Variants in BLACAT1 observed in about 807,000 individuals in gnomAD.
BLACAT1 encodes the protein bladder cancer associated transcript 1.
chr1:205,437,213 G>A (rs1385326814), downstream of BLACAT1: 1 of 152,400 alleles, frequency 6.6e-6, no homozygotes, highest in Non-Finnish European at 1.5e-5. Flanking sequence ...CACATGAGGA[G>A]CTGTGCAAAG....
intron 1 of BLACAT1, among the ~76,000 whole-genome samples, chr1:205,444,246 T>A (rs1356724016): frequency 6.6e-6 from 1 of 151,970 alleles, no homozygotes; most frequent in African/African-American, 2.4e-5. Flanking sequence ...TGGACAAACC[T>A]CCTGCTACCA....
chr1:205,437,970 C>T (rs1666235712), downstream of BLACAT1: 1 of 152,118 alleles, frequency 6.6e-6, no homozygotes, highest in South Asian at 2.1e-4. Context: ...TCTATGAACC[C>T]ATATGCTACA....
downstream of BLACAT1, chr1:205,436,417 G>T (rs1470624092): frequency 6.6e-6 from 1 of 152,222 alleles, no homozygotes; most frequent in Admixed American, 6.5e-5. Flanking sequence ...TCTTCTTCAT[G>T]ATCTATAGTT....
At chr1:205,447,653 G>A (rs1309198050) in intron 1 of BLACAT1, among the ~76,000 whole-genome samples, 1 of 152,024 alleles carries the variant, frequency 6.6e-6, no homozygotes, top group African/African-American at 2.4e-5. Context: ...CAGGACGGGG[G>A]CAGGGAGGGC....
At chr1:205,442,242 A>G (rs1666307143) in intron 1 of BLACAT1, among the ~76,000 whole-genome samples, 1 of 152,164 alleles carries the variant, frequency 6.6e-6, no homozygotes, top group Non-Finnish European at 1.5e-5. Flanking sequence ...GCTGCGGGGA[A>G]GGAGGGAGGC....
At position 205,450,982 on chromosome 1, in the gene BLACAT1, G is replaced by A. The variant is rs1318790387; in HGVS notation, c.-37+4935C>T. The stretch of plus-strand genomic sequence containing the variant: ...GAGGACTCCCTCTCCTCAAGATGGG[G>A]CCATGCCCACGATTCCTGTCTCCTC... On this transcript the variant is annotated intron_variant, in intron 1 of 1. Coordinates refer to ENST00000629624, the Ensembl canonical transcript of BLACAT1. The surrounding 1 kb of genome is among the most constrained non-coding windows in gnomAD (Gnocchi z 4.4). 6.6e-6 allele frequency among the ~76,000 whole-genome samples: 1 copy of A among 152,172 alleles called. No homozygotes were observed. The highest frequency in any genetic ancestry group is 1.5e-5 in the Non-Finnish European group (1 of 68,034).
chr1:205,453,399 G>T (rs1025247256), intron 1 of BLACAT1, among the ~76,000 whole-genome samples: 4 of 152,170 alleles, frequency 2.6e-5, no homozygotes, highest in African/African-American at 9.7e-5. Flanking sequence ...GACAGCTCAG[G>T]TTCCCTCTCA....
intron 1 of BLACAT1, among the ~76,000 whole-genome samples, chr1:205,447,325 G>A (rs375774118): frequency 2.3e-3 from 348 of 152,290 alleles, no homozygotes; most frequent in African/African-American, 8.2e-3. Flanking sequence ...TTAGAATCAT[G>A]GGGTACATAG....
At chr1:205,439,774 C>T (rs970878326), downstream of BLACAT1, among the ~76,000 whole-genome samples, 2 of 152,172 alleles carry the variant, frequency 1.3e-5, no homozygotes, top group African/African-American at 4.8e-5. Flanking sequence ...TGCTGGCATT[C>T]GTCTCTGCCT....
Position 205,448,277 on chromosome 1 carries a change from T to G in BLACAT1, c.-36-7215A>C, listed in dbSNP as rs1168009378. ...GTGGCTGGCTCCGAACCTGGTCCCA[T>G]GGGAGGTGCAGCTGCGCAGGAGAAG... On this transcript the variant is annotated intron_variant, in intron 1 of 1. Transcript: ENST00000629624. The surrounding 1 kb of genome is among the most constrained non-coding windows in gnomAD (Gnocchi z 4.7). 4 of 518,228 alleles carry G rather than the reference T, an allele frequency of 7.7e-6. No individual in the cohort carries two copies. The highest frequency in any genetic ancestry group is 6.5e-4 in the Middle Eastern group (2 of 3,072). The allele number at this position is 518,228 out of a possible 1,614,324, so 32.1% of individuals were successfully genotyped here. A position where few individuals can be genotyped will look rare whatever the true frequency, so the allele number is the denominator to read the frequency against.
At chr1:205,437,012 A>G (rs1666220200), downstream of BLACAT1, 3 of 152,460 alleles carry the variant, frequency 2.0e-5, no homozygotes, top group South Asian at 6.2e-4. Flanking sequence ...GGAGTCAGTC[A>G]TGGCAGAACA....
chr1:205,438,733 T>G (rs1666247479), downstream of BLACAT1, among the ~76,000 whole-genome samples: 1 of 151,752 alleles, frequency 6.6e-6, no homozygotes, highest in African/African-American at 2.4e-5. Flanking sequence ...GGACCTCCAC[T>G]CAGAACACTT....
At chr1:205,445,352 C>T (rs1341925518) in intron 1 of BLACAT1, among the ~76,000 whole-genome samples, 1 of 152,224 alleles carries the variant, frequency 6.6e-6, no homozygotes, top group Non-Finnish European at 1.5e-5. Context: ...GGACTTCTTC[C>T]CGGAGTTGGC....
intron 1 of BLACAT1, among the ~76,000 whole-genome samples, chr1:205,455,032 G>T (rs1393198173): frequency 6.6e-6 from 1 of 152,182 alleles, no homozygotes; most frequent in Non-Finnish European, 1.5e-5. Context: ...CTCCTGACCA[G>T]CTCAGCACTG....
exon 2 of BLACAT1, among the ~76,000 whole-genome samples, chr1:205,439,986 C>T (rs576754475): frequency 9.9e-5 from 15 of 152,114 alleles, no homozygotes; most frequent in African/African-American, 3.1e-4. Flanking sequence ...GGGAAAAAGT[C>T]GAGGAAGGTC....
downstream of BLACAT1, chr1:205,437,964 T>C (rs1157073700): frequency 6.6e-6 from 1 of 152,198 alleles, no homozygotes; most frequent in African/African-American, 2.4e-5. Context: ...TATATTTCTA[T>C]GAACCCATAT....
chr1:205,440,172 G>A (rs1666269540), exon 2 of BLACAT1, among the ~76,000 whole-genome samples: 1 of 152,224 alleles, frequency 6.6e-6, no homozygotes, highest in Admixed American at 6.5e-5. Flanking sequence ...CAGTCCCTGA[G>A]GAGGGGAGTC....
intron 1 of BLACAT1, among the ~76,000 whole-genome samples, chr1:205,451,294 C>G (rs981776133): frequency 6.6e-6 from 1 of 152,206 alleles, no homozygotes; most frequent in African/African-American, 2.4e-5. Context: ...TTGCCCATCC[C>G]CCACACCTAC....
In BLACAT1 at chr1:205,448,699, C is replaced by G. The variant is rs926261944; in HGVS notation, c.-37+7218G>C. On this transcript the variant is annotated intron_variant, in intron 1 of 1. Transcript: ENST00000629624. The surrounding 1 kb of genome is among the most constrained non-coding windows in gnomAD (Gnocchi z 4.7). ...TCAAATTCCCTTAATTAGCTTCCAG[C>G]CCCCTGCCCAGGGTCCTTAACTACC... 6.6e-6 allele frequency among the ~76,000 whole-genome samples: 1 copy of G among 152,136 alleles called. No individual in the cohort carries two copies. The highest frequency in any genetic ancestry group is 1.5e-5 in the Non-Finnish European group (1 of 68,032).
Sources: gnomAD v4.1 joint callset for allele counts (sites outside exome capture counted in the v4.1 genomes callset) on GRCh38, gnomAD v4.1.1 for gene constraint, Gnocchi (gnomAD v3.1) non-coding constraint, MANE v1.5 for transcripts, NCBI Gene and HGNC (gene_info 2026-07-23, HGNC 2026-07-21) for gene names.